The following WASF1 variants were observed in gnomAD, a reference collection of about 807,000 sequenced individuals.
WASF1 encodes WASP family member 1, also known as actin-binding protein WASF1.
WASF1 carries 7 observed loss-of-function variants against 50.5 expected under a neutral mutation model. That is an observed-to-expected ratio of 0.14 (90% CI 0.08 to 0.26). The LOEUF is 0.26. Among genes scored for constraint, WASF1 ranks in the 10% least tolerant of loss-of-function variants. WASF1 has a pLI of 1.00. For missense variants in WASF1, 470 were observed against 694.7 expected (o/e 0.68, Z 3.64); for synonymous variants, 205 against 244.0 (o/e 0.84, Z 1.49).
At chr6:110,166,669 T>C (rs58965432) in intron 2 of WASF1, among the ~76,000 whole-genome samples, 10,742 of 151,922 alleles carry the variant, frequency 0.071, 504 homozygotes, top group African/African-American at 0.14. Context: ...CAGTTAAAGG[T>C]AGACAAAATA....
chr6:110,170,288 T>A (rs190736144), intron 2 of WASF1, among the ~76,000 whole-genome samples: 1 of 152,022 alleles, frequency 6.6e-6, no homozygotes, highest in Non-Finnish European at 1.5e-5. Flanking sequence ...AGTGGTGCAA[T>A]CTTGGCTCAC....
At chr6:110,113,902 T>G (rs1045707642) in intron 4 of WASF1, among the ~76,000 whole-genome samples, 3 of 151,944 alleles carry the variant, frequency 2.0e-5, no homozygotes, top group Non-Finnish European at 4.4e-5. Context: ...TTATCAAAAT[T>G]TACACACAAA....
chr6:110,122,131 C>A (rs1296264275), intron 4 of WASF1, among the ~76,000 whole-genome samples: 1 of 151,456 alleles, frequency 6.6e-6, no homozygotes, highest in Non-Finnish European at 1.5e-5. Context: ...ACATGTATAC[C>A]TATGTAACAA....
At chr6:110,131,464 A>T (rs1774667037) in intron 3 of WASF1, among the ~76,000 whole-genome samples, 2 of 152,202 alleles carry the variant, frequency 1.3e-5, no homozygotes, top group Admixed American at 1.3e-4. Flanking sequence ...TTTGAGCTAC[A>T]TACTATTCCA....
At chr6:110,153,264 C>T (rs1562184615) in intron 3 of WASF1, among the ~76,000 whole-genome samples, 2 of 152,076 alleles carry the variant, frequency 1.3e-5, no homozygotes, top group African/African-American at 4.8e-5. Context: ...TTTACATTTC[C>T]ACCAACAGAG....
At chr6:110,113,011 T>A (rs185812073) in intron 5 of WASF1, among the ~76,000 whole-genome samples, 111 of 151,680 alleles carry the variant, frequency 7.3e-4, no homozygotes, top group African/African-American at 2.6e-3. Flanking sequence ...AAATAAATTA[T>A]AAGGGAGAAA....
rs1773424523 is a variant in WASF1 at position 110,108,523 on chromosome 6, C to T, written c.422+5G>A. ...AATAGGGCTACTATTTATTAACCTA[C>T]CTACCTATAAGGAGTGAGTATATTG... On this transcript the variant is annotated splice_donor_5th_base_variant and intron_variant, in intron 6 of 10. Transcript: ENST00000392589. The T allele has an allele frequency of 6.2e-7, 1 of 1,602,248 alleles. No individual in the cohort carries two copies. Among genetic ancestry groups the T allele is most frequent in the Non-Finnish European group, 8.5e-7 (1 of 1,173,836 alleles).
intron 3 of WASF1, among the ~76,000 whole-genome samples, chr6:110,145,165 G>C (rs1013245145): frequency 2.6e-5 from 4 of 152,082 alleles, no homozygotes; most frequent in African/African-American, 9.7e-5. Flanking sequence ...TCCTTGAAGA[G>C]GTCCTTCACA....
At position 110,127,538 on chromosome 6, in the gene WASF1, T is replaced by C. The variant is rs757754784; in HGVS notation, c.64A>G (p.Ile22Val). ...HLCHTALPRG[I>V]KNELECVTNI... ...GTTACACATTCCAGTTCATTCTTAA[T>C]GCCTCTAGGCAGTGCTGTGTGGCAC... Residue 22 changes from isoleucine to valine, a missense_variant, in exon 4 of 11, where the codon ATT becomes GTT. This residue lies in a region of WASF1 where 140 missense variants were observed against 260.5 expected (regional missense o/e 0.54). Coordinates refer to ENST00000392589, the MANE Select transcript of WASF1 (RefSeq NM_003931.3). 6 of 1,605,298 alleles carry C rather than the reference T, an allele frequency of 3.7e-6. No individual in the cohort carries two copies. Among genetic ancestry groups the C allele is most frequent in the Non-Finnish European group, 5.1e-6 (6 of 1,176,346 alleles).
chr6:110,116,767 C>G (rs1773832222), intron 4 of WASF1, among the ~76,000 whole-genome samples: 1 of 152,096 alleles, frequency 6.6e-6, no homozygotes, highest in Non-Finnish European at 1.5e-5. Context: ...GGAACACCTC[C>G]CAGTAGGGGC....
At chr6:110,121,119 A>G (rs185188785) in intron 4 of WASF1, among the ~76,000 whole-genome samples, 1 of 152,348 alleles carries the variant, frequency 6.6e-6, no homozygotes, top group East Asian at 1.9e-4. Context: ...TTCAGGACAT[A>G]GGCATGGGCA....
At chr6:110,104,272 G>C (rs561882637) in intron 8 of WASF1, among the ~76,000 whole-genome samples, 1 of 152,122 alleles carries the variant, frequency 6.6e-6, no homozygotes, top group Non-Finnish European at 1.5e-5. Context: ...AGAAATTATT[G>C]TATTTAGTGA....
chr6:110,131,338 G>C (rs1029456299), intron 3 of WASF1, among the ~76,000 whole-genome samples: 7 of 152,166 alleles, frequency 4.6e-5, no homozygotes, highest in African/African-American at 1.7e-4. Flanking sequence ...TGATGTAGCA[G>C]TTAGGTTTCT....
intron 3 of WASF1, among the ~76,000 whole-genome samples, chr6:110,147,374 T>C (rs912772991): frequency 6.6e-6 from 1 of 150,662 alleles, no homozygotes; most frequent in Non-Finnish European, 1.5e-5. Flanking sequence ...TTATGTCACC[T>C]GAAGTCACAA....
At chr6:110,108,704 A>C in intron 5 of WASF1, 23 bp from the exon 6 acceptor site, 1 of 1,590,274 alleles carries the variant, frequency 6.3e-7, no homozygotes. Context: ...TCAAGAATTC[A>C]TTTTATTTTA....
intron 3 of WASF1, among the ~76,000 whole-genome samples, chr6:110,132,558 T>A (rs1206561696): frequency 6.6e-6 from 1 of 151,958 alleles, no homozygotes; most frequent in African/African-American, 2.4e-5. Flanking sequence ...TTTAATAAGT[T>A]TCTGGGGGAA....
At chr6:110,104,768 G>A (rs539495805) in intron 8 of WASF1, among the ~76,000 whole-genome samples, 1 of 152,274 alleles carries the variant, frequency 6.6e-6, no homozygotes, top group Non-Finnish European at 1.5e-5. Context: ...CACCCTGGGC[G>A]ATAGAGCAAG....
chr6:110,126,379 T>C (rs546371338), intron 4 of WASF1, among the ~76,000 whole-genome samples: 3 of 152,218 alleles, frequency 2.0e-5, no homozygotes, highest in Non-Finnish European at 2.9e-5. Context: ...AGCCTTTTAT[T>C]TATTCTTACT....
chr6:110,110,669 G>A (rs951135366), intron 5 of WASF1, among the ~76,000 whole-genome samples: 1 of 151,986 alleles, frequency 6.6e-6, no homozygotes, highest in South Asian at 2.1e-4. Context: ...TTAGCATAAT[G>A]CTTATAAACA....
Sources: gnomAD v4.1 joint callset for allele counts (sites outside exome capture counted in the v4.1 genomes callset) on GRCh38, gnomAD v4.1.1 for gene constraint, gnomAD v4.1.1 regional missense constraint, MANE v1.5 for transcripts, NCBI Gene and HGNC (gene_info 2026-07-23, HGNC 2026-07-21) for gene names.